FRMD8: variants seen among roughly 807,000 people sequenced by gnomAD.
FRMD8 encodes FERM domain containing 8.
FRMD8 carries 37 observed loss-of-function variants against 54.2 expected under a neutral mutation model. That is an observed-to-expected ratio of 0.68 (90% CI 0.53 to 0.90). The LOEUF is 0.90. Among genes scored for constraint, FRMD8 ranks in the 40% least tolerant of loss-of-function variants. The pLI is 0.00. For missense variants in FRMD8, 585 were observed against 653.7 expected, an observed-to-expected ratio of 0.89 and a Z score of 1.15; for synonymous variants, 246 against 286.9, an observed-to-expected ratio of 0.86 and a Z score of 1.44.
chr11:65,389,482 C>T lies in FRMD8; in HGVS notation c.207C>T (p.Asp69=), dbSNP rs1306139205. 4 of 1,608,006 alleles carry T rather than the reference C, an allele frequency of 2.5e-6. No individual in the cohort carries two copies. Among genetic ancestry groups the T allele is most frequent in the Admixed American group, 1.7e-5 (1 of 59,944 alleles). The change falls in exon 3 of 11, where the codon GAC becomes GAT. Residue 69 remains aspartate, a synonymous_variant. Coordinates refer to ENST00000317568, the MANE Select transcript of FRMD8 (RefSeq NM_031904.5). Reference sequence around the variant, plus strand: ...TCCGCGAGGTCCTGCAGCTTCCAGACATCGCCCTGGATGTCTTCGCGCTCT... The same window carrying T: ...TCCGCGAGGTCCTGCAGCTTCCAGATATCGCCCTGGATGTCTTCGCGCTCT... The part of the protein sequence containing the change: ...RAVREVLQLP[D]IALDVFALWL...
At chr11:65,402,513 TATA>T (rs1246088126) in intron 9 of FRMD8, among the ~76,000 whole-genome samples, 1 of 152,214 alleles carries the variant, frequency 6.6e-6, no homozygotes, top group Non-Finnish European at 1.5e-5. Flanking sequence ...TTTGAACCTT[TATA>T]ATAAGTCTTG....
At chr11:65,399,622 C>T (rs1386005185) in intron 7 of FRMD8, 114 bp from the exon 8 acceptor site, 20 of 1,262,018 alleles carry the variant, frequency 1.6e-5, no homozygotes, top group South Asian at 2.9e-5. Flanking sequence ...TTCCCTGGGG[C>T]GGGTTTCAGT....
At chr11:65,408,178 G>A (rs1856249379) in intron 10 of FRMD8, among the ~76,000 whole-genome samples, 4 of 151,206 alleles carry the variant, frequency 2.6e-5, no homozygotes, top group East Asian at 2.0e-4. Context: ...GGGTTCAAGC[G>A]ATTCTCCTGC....
intron 10 of FRMD8, among the ~76,000 whole-genome samples, chr11:65,409,166 A>G (rs1856274581): frequency 1.3e-5 from 2 of 151,824 alleles, no homozygotes; most frequent in South Asian, 2.1e-4. Flanking sequence ...GCTCACTGCA[A>G]CCTCTGCCTC....
At position 65,404,782 on chromosome 11, in the gene FRMD8, A is replaced by G; in HGVS notation, c.1072-82A>G. On this transcript the variant is annotated intron_variant, in intron 9 of 10. Transcript: ENST00000317568. The surrounding 1 kb of genome is among the most constrained non-coding windows in gnomAD (Gnocchi z 4.7). ...TGTCCCCTCCCCTGCTTCCCCAACC[A>G]GAGAGCAGAGCTCATTTCAGGCTCA... The G allele has an allele frequency of 8.2e-7, 1 of 1,224,226 alleles. No homozygotes were observed. Among genetic ancestry groups the G allele is most frequent in the Middle Eastern group, 2.6e-4 (1 of 3,818 alleles). The allele number at this position is 1,224,226 out of a possible 1,614,324, so 75.8% of individuals were successfully genotyped here. A position where few individuals can be genotyped will look rare whatever the true frequency, so the allele number is the denominator to read the frequency against.
At chr11:65,379,751 C>A in the FRMD8 span, 5 of 1,417,974 alleles carry the variant, frequency 3.5e-6, no homozygotes, top group Non-Finnish European at 4.9e-6. Flanking sequence ...CCCAAGGATC[C>A]CAGACTTGGT....
intron 6 of FRMD8, 97 bp downstream of exon 6, chr11:65,394,522 C>G: frequency 7.0e-7 from 1 of 1,434,968 alleles, no homozygotes; most frequent in Non-Finnish European, 9.3e-7. Flanking sequence ...AAGGTGGGGG[C>G]AGGGTCCTGG....
At chr11:65,406,940 C>CAAAT (rs201370165) in intron 10 of FRMD8, among the ~76,000 whole-genome samples, 1,692 of 151,470 alleles carry the variant, frequency 0.011, 32 homozygotes, top group African/African-American at 0.037. Context: ...AACTCCGTCT[C>CAAAT]AAATAAATAA....
chr11:65,399,342 G>A (rs1281548889), intron 7 of FRMD8, among the ~76,000 whole-genome samples: 1 of 151,958 alleles, frequency 6.6e-6, no homozygotes, highest in African/African-American at 2.4e-5. Flanking sequence ...TCACCTCCTC[G>A]TGCTTCCCAG....
At chr11:65,368,117 C>G in the FRMD8 span, 1 of 148,408 alleles carries the variant, frequency 6.7e-6, no homozygotes, top group African/African-American at 2.5e-5. Flanking sequence ...ACTCCGTCAC[C>G]CAGGCTGGAG....
chr11:65,393,185 G>A (rs753175370), intron 3 of FRMD8, among the ~76,000 whole-genome samples: 1 of 152,312 alleles, frequency 6.6e-6, no homozygotes, highest in Middle Eastern at 3.4e-3. Context: ...CAGCCCCTTG[G>A]GCCTCTGGGC....
At chr11:65,387,281 C>T (rs2137855477) in intron 2 of FRMD8, 160 bp downstream of exon 2, 1 of 741,114 alleles carries the variant, frequency 1.3e-6, no homozygotes, top group Non-Finnish European at 2.4e-6. Flanking sequence ...GTCAGAGGCT[C>T]TGTCACTAGT....
the FRMD8 span, chr11:65,377,022 C>G: frequency 1.2e-6 from 2 of 1,614,016 alleles, no homozygotes; most frequent in South Asian, 2.2e-5. Context: ...GCCCTTGGCT[C>G]TGTCTGGTTT....
chr11:65,403,865 TTAG>T (rs1054135223), intron 9 of FRMD8, among the ~76,000 whole-genome samples: 14 of 152,204 alleles, frequency 9.2e-5, no homozygotes, highest in African/African-American at 3.4e-4. Context: ...TCTAGGAAAC[TTAG>T]TAGGCTTCCC....
chr11:65,374,812 T>G, the FRMD8 span, among the ~76,000 whole-genome samples: 2 of 151,348 alleles, frequency 1.3e-5, no homozygotes, highest in South Asian at 4.2e-4. Context: ...ACAAAAAAAT[T>G]AAAAATTAGC....
At position 65,411,138 on chromosome 11, in the gene FRMD8, T is replaced by C. The variant is rs971541831; in HGVS notation, c.1277-104T>C. On this transcript the variant is annotated intron_variant, in intron 10 of 10. Transcript: ENST00000317568. ...AGGGGAGCTCAGTCTGACCAGGCTCTGGAAGGAGCCGTCGCGCTGGAGCCA... is the reference window on the plus strand; with the variant it reads ...AGGGGAGCTCAGTCTGACCAGGCTCCGGAAGGAGCCGTCGCGCTGGAGCCA... The C allele has an allele frequency of 2.8e-5, 25 of 882,812 alleles. No individual in the cohort carries two copies. The Admixed American group carries it at 5.2e-4, about 18-fold the overall frequency. The allele number at this position is 882,812 out of a possible 1,614,324, so 54.7% of individuals were successfully genotyped here.
intron 2 of FRMD8, among the ~76,000 whole-genome samples, chr11:65,388,069 CAGG>C (rs1855768351): frequency 1.3e-5 from 2 of 151,556 alleles, no homozygotes; most frequent in African/African-American, 4.9e-5. Context: ...GAGGCTGAGG[CAGG>C]AGAATGACTT....
chr11:65,397,130 T>A, intron 7 of FRMD8, 110 bp downstream of exon 7: 1 of 594,538 alleles, frequency 1.7e-6, no homozygotes, highest in Non-Finnish European at 2.7e-6. Context: ...TGTGTCCCCA[T>A]GAAGTGGTGT....
At position 65,404,827 on chromosome 11, in the gene FRMD8, G is replaced by C; in HGVS notation, c.1072-37G>C. ...GGCTCAGCAACAGGCATGGAAGGGG[G>C]CCCTGGCCAGGCCTCACACTGCCCC... On this transcript the variant is annotated intron_variant, in intron 9 of 10. Coordinates refer to ENST00000317568, the MANE Select transcript of FRMD8 (RefSeq NM_031904.5). This position sits in a 1 kb window ranked among gnomAD's most constrained non-coding sequence, Gnocchi z 4.7. The C allele has an allele frequency of 1.3e-6, 2 of 1,558,190 alleles. No individual in the cohort carries two copies. Among genetic ancestry groups the C allele is most frequent in the Non-Finnish European group, 1.8e-6 (2 of 1,134,424 alleles).
Sources: allele counts gnomAD v4.1 joint callset (sites outside exome capture counted in the v4.1 genomes callset), GRCh38; gene constraint gnomAD v4.1.1; non-coding constraint Gnocchi (gnomAD v3.1); transcripts MANE v1.5; gene names NCBI Gene and HGNC (gene_info 2026-07-23, HGNC 2026-07-21).